Variants in ST3GAL5 observed in about 807,000 individuals in gnomAD.
ST3GAL5 encodes the protein lactosylceramide alpha-2,3-sialyltransferase.
A neutral mutation model predicts 46.1 loss-of-function variants in ST3GAL5; 25 were observed. The ratio of observed to expected loss-of-function variants is 0.54; its 90% CI spans 0.40 to 0.76. ST3GAL5 has a LOEUF of 0.76. Ranked by LOEUF, ST3GAL5 falls within the 30% of genes least tolerant of loss-of-function variation. The probability of loss-of-function intolerance (pLI) is 0.00; values close to 1 mark genes in which losing one functional copy is unlikely to be tolerated. For missense variants in ST3GAL5, 431 were observed against 521.2 expected, an observed-to-expected ratio of 0.83 and a Z score of 1.69; for synonymous variants, 182 against 192.7, an observed-to-expected ratio of 0.94 and a Z score of 0.46.
Position 85,840,942 on chromosome 2 carries a change from C to CAAAA in ST3GAL5, c.1009-554_1009-551dup, listed in dbSNP as rs1272089535. 5.6e-3 allele frequency among the ~76,000 whole-genome samples: 135 copies of CAAAA among 24,172 alleles called. 6 individuals carry two copies. The highest frequency in any genetic ancestry group is 0.016 in the African/African-American group (124 of 7,714). 15.9% of individuals were successfully genotyped at this position (24,172 alleles called of 152,430 possible). A position where few individuals can be genotyped will look rare whatever the true frequency, so the allele number is the denominator to read the frequency against. On this transcript the variant is annotated intron_variant, in intron 6 of 6. Coordinates refer to ENST00000638572, the MANE Select transcript of ST3GAL5 (RefSeq NM_003896.4). ...CTGGCGACAGAGCAAGACTCTGTCT[C>CAAAA]AAAAAAAAAAAAAAAAAAAAAAAAG...
At chr2:85,885,970 T>C (rs1687710489) in intron 1 of ST3GAL5, among the ~76,000 whole-genome samples, 1 of 152,214 alleles carries the variant, frequency 6.6e-6, no homozygotes, top group African/African-American at 2.4e-5. Flanking sequence ...CAGCGGCACT[T>C]TCTGTAACAG....
chr2:85,840,336 T>A lies in ST3GAL5; in HGVS notation c.1065A>T (p.Glu355Asp). The change falls in exon 7 of 7, where the codon GAA becomes GAT. Residue 355 changes from glutamate to aspartate, a missense_variant. Transcript: ENST00000638572. ...AVVLATHLCDEVSLAGFGYDL... is the reference protein window; with the variant it reads ...AVVLATHLCDDVSLAGFGYDL... ...CATATCCAAAACCCGCCAAACTGAC[T>A]TCATCGCACAGATGTGTGGCTAAGA... 1 of 1,613,914 alleles carries A rather than the reference T, an allele frequency of 6.2e-7. No individual in the cohort carries two copies. Among genetic ancestry groups the A allele is most frequent in the Non-Finnish European group, 8.5e-7 (1 of 1,179,786 alleles).
chr2:85,857,967 G>A (rs1396780298), intron 3 of ST3GAL5, among the ~76,000 whole-genome samples: 1 of 152,098 alleles, frequency 6.6e-6, no homozygotes, highest in African/African-American at 2.4e-5. Context: ...CTACTCTCAA[G>A]TAACTTATAC....
chr2:85,841,227 C>T (rs1464408110), intron 6 of ST3GAL5, among the ~76,000 whole-genome samples: 1 of 152,048 alleles, frequency 6.6e-6, no homozygotes, highest in East Asian at 1.9e-4. Context: ...CTACATCCCA[C>T]TTAAGGGCCC....
chr2:85,845,750 CACCCATGAAATCAAAAGCACTG>C (rs1682715467), intron 5 of ST3GAL5: 1 of 153,002 alleles, frequency 6.5e-6, no homozygotes, highest in African/African-American at 2.4e-5. Context: ...TGTGAAATTT[CACCCATGAAATCAAAAGCACTG>C]AGGAAGTGCC....
In ST3GAL5 at chr2:85,859,407, C is replaced by T. The variant is rs529375223; in HGVS notation, c.318+1774G>A. Among the ~76,000 whole-genome samples the T allele has an allele frequency of 2.0e-5, 3 of 152,200 alleles. No homozygotes were observed. In the South Asian group the frequency reaches 6.2e-4, roughly 32 times the overall value. On this transcript the variant is annotated intron_variant, in intron 3 of 6. Transcript: ENST00000638572. ...ACCTTTATCCAAGAGAGCTGTGAAG[C>T]GCCGTGGAATTGCAAAGGACTGGGG...
chr2:85,882,460 C>T (rs897301472), intron 1 of ST3GAL5, among the ~76,000 whole-genome samples: 3 of 152,164 alleles, frequency 2.0e-5, no homozygotes, highest in Non-Finnish European at 4.4e-5. Context: ...GGCAGAGCTG[C>T]CCAAGACCAT....
intron 1 of ST3GAL5, among the ~76,000 whole-genome samples, chr2:85,885,874 C>A (rs571204886): frequency 1.3e-5 from 2 of 151,916 alleles, no homozygotes; most frequent in Admixed American, 1.3e-4. Context: ...GTGCCTGTGG[C>A]TCCTAAAACA....
intron 2 of ST3GAL5, among the ~76,000 whole-genome samples, chr2:85,863,072 A>G (rs1290290257): frequency 1.3e-5 from 2 of 152,254 alleles, no homozygotes; most frequent in African/African-American, 4.8e-5. Flanking sequence ...AAATAAGGGC[A>G]TGAAGAGCAG....
chr2:85,873,103 G>A (rs1319244057), intron 1 of ST3GAL5, among the ~76,000 whole-genome samples: 1 of 152,210 alleles, frequency 6.6e-6, no homozygotes, highest in Non-Finnish European at 1.5e-5. Context: ...TGGCCCTGCT[G>A]TGGCCACTGA....
intron 5 of ST3GAL5, chr2:85,845,344 G>C (rs918807793): frequency 4.6e-5 from 7 of 152,230 alleles, no homozygotes; most frequent in African/African-American, 1.4e-4. Flanking sequence ...AGTATTCCTT[G>C]ATTTTTATAT....
Position 85,839,644 on chromosome 2 carries a change from GC to G in ST3GAL5, c.*499del. The G allele has an allele frequency of 4.7e-6, 1 of 214,934 alleles. No homozygotes were observed. Among genetic ancestry groups the G allele is most frequent in the Non-Finnish European group, 9.5e-6 (1 of 105,520 alleles). The allele number at this position is 214,934 out of a possible 1,614,324, so 13.3% of individuals were successfully genotyped here. A position where few individuals can be genotyped will look rare whatever the true frequency, so the allele number is the denominator to read the frequency against. ...CTTCTCCAACCAGCCCAGGCCTCAC[GC>G]CGCTGCATCGCAGACCCAGTATCAG... On this transcript the variant is annotated 3_prime_UTR_variant, in exon 7 of 7. Transcript: ENST00000638572.
intron 2 of ST3GAL5, 62 bp from the exon 3 acceptor site, chr2:85,861,354 A>C: frequency 9.2e-7 from 1 of 1,090,966 alleles, no homozygotes; most frequent in South Asian, 1.2e-5. Flanking sequence ...ATGCAATGTG[A>C]AACTGAAAAC....
chr2:85,876,281 A>C (rs1301191238), intron 1 of ST3GAL5, among the ~76,000 whole-genome samples: 1 of 152,082 alleles, frequency 6.6e-6, no homozygotes, highest in Non-Finnish European at 1.5e-5. Flanking sequence ...GGGCTAGTCT[A>C]AACCAGGTAA....
intron 5 of ST3GAL5, 159 bp from the exon 6 acceptor site, chr2:85,844,713 C>T (rs918538559): frequency 1.7e-5 from 16 of 944,846 alleles, no homozygotes; most frequent in East Asian, 1.0e-4. Flanking sequence ...TACGCAAATC[C>T]GGCACTCCAA....
intron 5 of ST3GAL5, 75 bp from the exon 6 acceptor site, chr2:85,844,629 AG>A: frequency 6.3e-7 from 1 of 1,598,700 alleles, no homozygotes; most frequent in Non-Finnish European, 8.5e-7. Context: ...CATCAGACCA[AG>A]GCTGTGGGTG....
Position 85,847,947 on chromosome 2 carries a change from A to G in ST3GAL5, c.576T>C (p.Cys192=). ...DLPEHLKAKT[C]RRCVVIGSGG... ...CGCTTCCAATAACCACACAGCGCCG[A>G]CAGGTCTTGGCTTTCAAGTGTTCAG... is the stretch of plus-strand genomic sequence containing the variant. Residue 192 remains cysteine, a synonymous_variant, in exon 4 of 7, where the codon TGT becomes TGC. Transcript: ENST00000638572. 1.9e-6 allele frequency: 3 copies of G among 1,614,196 alleles called. No individual in the cohort carries two copies. In the East Asian group the frequency reaches 6.7e-5, roughly 36 times the overall value.
intron 3 of ST3GAL5, chr2:85,853,135 C>T: frequency 7.9e-7 from 1 of 1,272,208 alleles, no homozygotes; most frequent in Non-Finnish European, 1.0e-6. Flanking sequence ...CAAAATGCTG[C>T]TACTACACAG....
At chr2:85,845,583 A>G (rs1417275599) in intron 5 of ST3GAL5, 1 of 152,456 alleles carries the variant, frequency 6.6e-6, no homozygotes, top group African/African-American at 2.4e-5. Context: ...GTACACAGAC[A>G]TAGGAGGAAA....
Sources: gnomAD v4.1 joint callset for allele counts (sites outside exome capture counted in the v4.1 genomes callset) on GRCh38, gnomAD v4.1.1 for gene constraint, MANE v1.5 for transcripts, NCBI Gene and HGNC (gene_info 2026-07-23, HGNC 2026-07-21) for gene names.